Variants in TBK1 observed in about 807,000 individuals in gnomAD.
TBK1 encodes the protein serine/threonine-protein kinase TBK1.
Under a neutral mutation model 99.9 loss-of-function variants are expected in TBK1, and 37 were observed. The observed-to-expected ratio is 0.37, with a 90% confidence interval of 0.28 to 0.49. TBK1 has a LOEUF of 0.49. Ranked by LOEUF, TBK1 falls within the 20% of genes least tolerant of loss-of-function variation. The pLI is 0.98. For synonymous variants in TBK1, 258 were observed against 279.8 expected (o/e 0.92, Z 0.78); for missense variants, 644 against 872.5 (o/e 0.74, Z 3.30).
chr12:64,478,576 G>T (rs1034840712), intron 6 of TBK1, among the ~76,000 whole-genome samples: 1 of 152,190 alleles, frequency 6.6e-6, no homozygotes, highest in East Asian at 1.9e-4. Flanking sequence ...TTGGTTGGAG[G>T]AAGTAAAACA....
chr12:64,480,599 A>G (rs889950279), intron 7 of TBK1, among the ~76,000 whole-genome samples: 17 of 152,338 alleles, frequency 1.1e-4, no homozygotes, highest in Non-Finnish European at 1.0e-4. Context: ...AGCATTTCAA[A>G]TGTTCATTTG....
In TBK1 at chr12:64,501,401, GAA is replaced by G; in HGVS notation, c.*23_*24del. Reference sequence around the variant, plus strand: ...CTTTAGCTTTCTAATAGAAGTTTAAGAAAAGTTTCCGTTTGCACAAGAAAATA... The same window carrying G: ...CTTTAGCTTTCTAATAGAAGTTTAAGAAGTTTCCGTTTGCACAAGAAAATA... On this transcript the variant is annotated 3_prime_UTR_variant, in exon 21 of 21. Transcript: ENST00000331710. 1 of 1,611,844 alleles carries G rather than the reference GAA, an allele frequency of 6.2e-7. No homozygotes were observed. Among genetic ancestry groups the G allele is most frequent in the Non-Finnish European group, 8.5e-7 (1 of 1,179,532 alleles).
Position 64,481,968 on chromosome 12 carries a change from T to G in TBK1, c.939T>G (p.Val313=). The change falls in exon 8 of 21, where the codon GTT becomes GTG. Residue 313 remains valine, a synonymous_variant. Coordinates refer to ENST00000331710, the MANE Select transcript of TBK1 (RefSeq NM_013254.4). ...SDILHRMVIH[V]FSLQQMTAHK... is the part of the protein sequence containing the mutation. ...TACTTCACCGAATGGTAATTCATGTTTTTTCGCTACAACAAATGACAGCTC... is the reference window on the plus strand; with the variant it reads ...TACTTCACCGAATGGTAATTCATGTGTTTTCGCTACAACAAATGACAGCTC... 1 of 1,608,086 alleles carries G rather than the reference T, an allele frequency of 6.2e-7. No individual in the cohort carries two copies.
intron 18 of TBK1, 145 bp from the exon 19 acceptor site, chr12:64,497,503 A>C: frequency 1.6e-6 from 1 of 612,944 alleles, no homozygotes; most frequent in Non-Finnish European, 2.7e-6. Context: ...GTATTGTATC[A>C]TCGATAGTTT....
At chr12:64,490,266 T>A in intron 13 of TBK1, 147 bp downstream of exon 13, 1 of 489,370 alleles carries the variant, frequency 2.0e-6, no homozygotes, top group African/African-American at 2.0e-5. Flanking sequence ...GAGGATCACT[T>A]GAGCTGAGGC....
intron 12 of TBK1, 104 bp downstream of exon 12, chr12:64,488,692 G>C: frequency 1.2e-6 from 1 of 847,908 alleles, no homozygotes; most frequent in Non-Finnish European, 1.8e-6. Flanking sequence ...GCTATGCTAG[G>C]GTTTCTATTA....
intron 3 of TBK1, among the ~76,000 whole-genome samples, chr12:64,462,356 A>G (rs1565812854): frequency 6.6e-6 from 1 of 152,218 alleles, no homozygotes; most frequent in South Asian, 2.1e-4. Context: ...GGAACACCTT[A>G]TATATGATGT....
At chr12:64,489,875 C>T (rs761699559) in intron 12 of TBK1, among the ~76,000 whole-genome samples, 166 bp from the exon 13 acceptor site, 27 of 150,572 alleles carry the variant, frequency 1.8e-4, no homozygotes, top group African/African-American at 5.4e-4. Flanking sequence ...TGCACCTGGC[C>T]GGCATCAGGT....
At chr12:64,469,394 A>G (rs1039252424) in intron 5 of TBK1, among the ~76,000 whole-genome samples, 1 of 152,022 alleles carries the variant, frequency 6.6e-6, no homozygotes, top group Non-Finnish European at 1.5e-5. Flanking sequence ...TCCGTCCTAC[A>G]TGACATTTGT....
chr12:64,476,607 C>A (rs1424831433), intron 6 of TBK1, among the ~76,000 whole-genome samples: 1 of 152,134 alleles, frequency 6.6e-6, no homozygotes, highest in Non-Finnish European at 1.5e-5. Flanking sequence ...TAATTTCTCC[C>A]ATTCTATAGG....
chr12:64,467,187 C>T (rs2040615145), intron 5 of TBK1, 105 bp downstream of exon 5: 1 of 909,534 alleles, frequency 1.1e-6, no homozygotes, highest in Non-Finnish European at 1.5e-6. Flanking sequence ...ATTTTTATGA[C>T]AAAAATTAAA....
At position 64,481,992 on chromosome 12, in the gene TBK1, T is replaced by A; in HGVS notation, c.963T>A (p.Ala321=). 6.2e-7 allele frequency: 1 copy of A among 1,600,838 alleles called. No homozygotes were observed. The highest frequency in any genetic ancestry group is 8.5e-7 in the Non-Finnish European group (1 of 1,173,894). ...TTTTTTCGCTACAACAAATGACAGC[T>A]CATAAGATTTATATTCATAGCTATA... ...IHVFSLQQMT[A]HKIYIHSYNT... is the part of the protein sequence containing the mutation. The change falls in exon 8 of 21, where the codon GCT becomes GCA. Residue 321 remains alanine, a synonymous_variant. Coordinates refer to ENST00000331710, the MANE Select transcript of TBK1 (RefSeq NM_013254.4).
At chr12:64,462,370 G>A (rs1016970194) in intron 3 of TBK1, among the ~76,000 whole-genome samples, 1 of 152,202 alleles carries the variant, frequency 6.6e-6, no homozygotes, top group Admixed American at 6.5e-5. Context: ...ATGATGTTAT[G>A]TGAGAAGAAT....
intron 20 of TBK1, among the ~76,000 whole-genome samples, chr12:64,500,630 A>G (rs940803644): frequency 6.6e-6 from 1 of 152,126 alleles, no homozygotes; most frequent in Non-Finnish European, 1.5e-5. Flanking sequence ...CAAAGAGTGT[A>G]ATAGCCTGGT....
intron 13 of TBK1, among the ~76,000 whole-genome samples, chr12:64,490,587 T>G (rs544545970): frequency 1.3e-5 from 2 of 152,304 alleles, no homozygotes; most frequent in East Asian, 3.9e-4. Context: ...TAAAGCAAGT[T>G]CATAAATGTA....
intron 3 of TBK1, among the ~76,000 whole-genome samples, chr12:64,461,009 A>G (rs1458832434): frequency 1.3e-5 from 2 of 151,778 alleles, no homozygotes; most frequent in South Asian, 4.2e-4. Context: ...TGAGCCTGAG[A>G]GGTCAAGGCT....
intron 5 of TBK1, among the ~76,000 whole-genome samples, chr12:64,471,045 A>G (rs1262800449): frequency 2.0e-5 from 3 of 152,228 alleles, no homozygotes; most frequent in African/African-American, 7.2e-5. Flanking sequence ...CAGCCTAGCT[A>G]TATTCTACAT....
At chr12:64,453,918 C>A (rs1592349168) in intron 1 of TBK1, among the ~76,000 whole-genome samples, 1 of 152,210 alleles carries the variant, frequency 6.6e-6, no homozygotes, top group African/African-American at 2.4e-5. Flanking sequence ...TAAATTAATT[C>A]CAGAAGAGTT....
chr12:64,478,679 A>G (rs1436090329), intron 6 of TBK1, among the ~76,000 whole-genome samples: 1 of 152,206 alleles, frequency 6.6e-6, no homozygotes, highest in Non-Finnish European at 1.5e-5. Flanking sequence ...GAAGACACCT[A>G]TTTAACTGTA....
Sources: gnomAD v4.1 joint callset for allele counts (sites outside exome capture counted in the v4.1 genomes callset) on GRCh38, gnomAD v4.1.1 for gene constraint, MANE v1.5 for transcripts, NCBI Gene and HGNC (gene_info 2026-07-23, HGNC 2026-07-21) for gene names.